CAP2: variants seen among roughly 807,000 people sequenced by gnomAD.
The protein encoded by CAP2 is adenylyl cyclase-associated protein 2.
Under a neutral mutation model 57.7 loss-of-function variants are expected in CAP2, and 24 were observed. That is an observed-to-expected ratio of 0.42 (90% CI 0.30 to 0.58). The LOEUF is 0.58. Among genes scored for constraint, CAP2 ranks in the 20% least tolerant of loss-of-function variants. The pLI is 0.22. For missense variants in CAP2, 501 were observed against 590.3 expected (o/e 0.85, Z 1.57); for synonymous variants, 194 against 207.2 (o/e 0.94, Z 0.55).
In CAP2 at chr6:17,437,090, A is replaced by G. The variant is rs548678129; in HGVS notation, c.222+10400A>G. 6.6e-5 allele frequency among the ~76,000 whole-genome samples: 10 copies of G among 152,290 alleles called. No homozygotes were observed. In the South Asian group the frequency reaches 1.7e-3, roughly 25 times the overall value. On this transcript the variant is annotated intron_variant, in intron 3 of 12. Transcript: ENST00000229922. ...AGCTCAGGGCTCCCACAGATTCTAC[A>G]TTGTGGTGAGTTGTATAATTATTTC...
intron 1 of CAP2, among the ~76,000 whole-genome samples, chr6:17,400,283 T>C (rs1392060097): frequency 6.6e-6 from 1 of 152,058 alleles, no homozygotes; most frequent in Non-Finnish European, 1.5e-5. Context: ...ACAGCTTTGT[T>C]GTCCTATTAT....
chr6:17,543,198 T>C, intron 11 of CAP2, 55 bp downstream of exon 11: 4 of 1,432,070 alleles, frequency 2.8e-6, no homozygotes, highest in Non-Finnish European at 3.9e-6. Flanking sequence ...CCAACCACGC[T>C]GTAATAAGCA....
intron 3 of CAP2, among the ~76,000 whole-genome samples, chr6:17,451,908 C>T (rs1760415414): frequency 6.6e-6 from 1 of 152,122 alleles, no homozygotes; most frequent in African/African-American, 2.4e-5. Context: ...AAATGTTTGA[C>T]ATAGGAAAAA....
chr6:17,512,845 T>G (rs1391902476), intron 6 of CAP2, among the ~76,000 whole-genome samples: 1 of 152,190 alleles, frequency 6.6e-6, no homozygotes, highest in Admixed American at 6.5e-5. Flanking sequence ...ACAATAGGAT[T>G]CTAAACATGC....
At chr6:17,472,579 A>G (rs2113610959) in intron 4 of CAP2, among the ~76,000 whole-genome samples, 1 of 152,332 alleles carries the variant, frequency 6.6e-6, no homozygotes, top group African/African-American at 2.4e-5. Flanking sequence ...AGTGAGGCAA[A>G]AAGAAGGCTT....
intron 7 of CAP2, among the ~76,000 whole-genome samples, chr6:17,521,757 CA>C (rs1762398391): frequency 6.6e-6 from 1 of 152,154 alleles, no homozygotes; most frequent in Non-Finnish European, 1.5e-5. Context: ...AGATACGGCC[CA>C]TCCTGTAGTG....
At chr6:17,447,426 G>C (rs1760290025) in intron 3 of CAP2, among the ~76,000 whole-genome samples, 1 of 152,186 alleles carries the variant, frequency 6.6e-6, no homozygotes, top group Admixed American at 6.5e-5. Flanking sequence ...AGGAAAACTA[G>C]TATTTGTGGA....
chr6:17,554,688 C>T (rs1561828009), intron 12 of CAP2, among the ~76,000 whole-genome samples: 1 of 152,238 alleles, frequency 6.6e-6, no homozygotes, highest in Non-Finnish European at 1.5e-5. Context: ...ATCAGCTTAT[C>T]AGACACATGA....
chr6:17,414,650 A>G (rs949585235), intron 1 of CAP2, among the ~76,000 whole-genome samples: 4 of 152,164 alleles, frequency 2.6e-5, no homozygotes, highest in Admixed American at 1.3e-4. Flanking sequence ...TATCCAGTCT[A>G]TCATTGATGG....
chr6:17,511,882 A>C (rs1166912170), intron 6 of CAP2, among the ~76,000 whole-genome samples: 2 of 152,164 alleles, frequency 1.3e-5, no homozygotes, highest in African/African-American at 4.8e-5. Context: ...ATGAAAACTG[A>C]AGATAGGTTT....
At chr6:17,412,543 C>A (rs895545359) in intron 1 of CAP2, among the ~76,000 whole-genome samples, 8 of 152,242 alleles carry the variant, frequency 5.3e-5, no homozygotes, top group African/African-American at 1.9e-4. Context: ...TTTTCCACTA[C>A]ATTAAGTTAT....
chr6:17,522,137 A>G (rs112515228), intron 7 of CAP2, among the ~76,000 whole-genome samples: 1,942 of 152,086 alleles, frequency 0.013, 23 homozygotes, highest in Middle Eastern at 0.02. Context: ...AGAAAAAAAA[A>G]GAAATCTCAG....
intron 1 of CAP2, among the ~76,000 whole-genome samples, chr6:17,419,327 T>C (rs1300284027): frequency 1.3e-5 from 2 of 152,220 alleles, no homozygotes; most frequent in African/African-American, 2.4e-5. Context: ...GTGTCTCTGA[T>C]TCAGAAGCAT....
In CAP2 at chr6:17,541,046, A is replaced by G. The variant is rs143224323; in HGVS notation, c.900A>G (p.Gln300=). ...TGCGGGCTCAAGGAGGGCAAACTCA[A>G]TCTCCCACCAAAAGTCACACTCCAA... ...PSLRAQGGQT[Q]SPTKSHTPSP... The change falls in exon 9 of 13, where the codon CAA becomes CAG. Residue 300 remains glutamine, a synonymous_variant. Coordinates refer to ENST00000229922, the MANE Select transcript of CAP2 (RefSeq NM_006366.3). 174 of 1,614,074 alleles carry G rather than the reference A, an allele frequency of 1.1e-4. 1 individual carries two copies. The highest frequency in any genetic ancestry group is 8.2e-4 in the Middle Eastern group (5 of 6,062).
intron 1 of CAP2, among the ~76,000 whole-genome samples, chr6:17,420,841 AT>A (rs896789334): frequency 4.6e-5 from 7 of 151,430 alleles, no homozygotes; most frequent in East Asian, 1.9e-4. Context: ...TATAATGCCA[AT>A]TTTTTTTTGT....
intron 7 of CAP2, among the ~76,000 whole-genome samples, chr6:17,538,310 G>T (rs1762820234): frequency 6.6e-6 from 1 of 151,592 alleles, no homozygotes; most frequent in South Asian, 2.1e-4. Context: ...TTAAAAATTA[G>T]CCAGTTAGAG....
chr6:17,540,925 AT>A, intron 8 of CAP2, 47 bp from the exon 9 acceptor site: 1 of 1,547,562 alleles, frequency 6.5e-7, no homozygotes, highest in Non-Finnish European at 8.8e-7. Flanking sequence ...AGTTAGAGAC[AT>A]TTCCCTTTGC....
intron 4 of CAP2, among the ~76,000 whole-genome samples, chr6:17,480,118 G>A (rs1181451237): frequency 6.6e-6 from 1 of 151,912 alleles, no homozygotes. Context: ...AACCAAACAA[G>A]CAGAAAACAA....
chr6:17,444,431 G>A (rs1760188372), intron 3 of CAP2, among the ~76,000 whole-genome samples: 1 of 152,068 alleles, frequency 6.6e-6, no homozygotes, highest in African/African-American at 2.4e-5. Flanking sequence ...GAGGTCAAGA[G>A]ATAGAGACCA....
Sources: allele counts gnomAD v4.1 joint callset (sites outside exome capture counted in the v4.1 genomes callset), GRCh38; gene constraint gnomAD v4.1.1; transcripts MANE v1.5; gene names NCBI Gene and HGNC (gene_info 2026-07-23, HGNC 2026-07-21).